THSD7B: variants seen among roughly 807,000 people sequenced by gnomAD.
THSD7B encodes thrombospondin type 1 domain containing 7B.
In THSD7B, 138 loss-of-function variants were observed where a neutral mutation model predicts 213.6. The observed-to-expected ratio is 0.65, with a 90% confidence interval of 0.56 to 0.74. The LOEUF (loss-of-function observed/expected upper bound fraction) is 0.74. Among genes scored for constraint, THSD7B ranks in the 30% least tolerant of loss-of-function variants. THSD7B has a pLI of 0.00. For missense variants in THSD7B, 1,931 were observed against 1,991.5 expected, an observed-to-expected ratio of 0.97 and a Z score of 0.58; for synonymous variants, 742 against 687.0, an observed-to-expected ratio of 1.08 and a Z score of -1.25.
chr2:137,353,555 G>T (rs539363456), intron 12 of THSD7B, among the ~76,000 whole-genome samples: 165 of 152,160 alleles, frequency 1.1e-3, no homozygotes, highest in African/African-American at 3.9e-3. Flanking sequence ...CAAAGAATGA[G>T]AAAAGAATGA....
chr2:137,016,140 AGG>A (rs1357382375), intron 2 of THSD7B, among the ~76,000 whole-genome samples: 1 of 152,124 alleles, frequency 6.6e-6, no homozygotes, highest in African/African-American at 2.4e-5. Context: ...CTTGTAAGGT[AGG>A]TAAAGTGTTC....
At chr2:137,066,266 A>G (rs1462649586) in intron 3 of THSD7B, among the ~76,000 whole-genome samples, 1 of 142,238 alleles carries the variant, frequency 7.0e-6, no homozygotes, top group Non-Finnish European at 1.5e-5. Context: ...ATCTCGGCTC[A>G]CTGCAACTTC....
intron 13 of THSD7B, among the ~76,000 whole-genome samples, chr2:137,406,990 G>A (rs1360072581): frequency 6.6e-5 from 10 of 152,238 alleles, no homozygotes; most frequent in Admixed American, 1.3e-4. Context: ...ATAACGCATC[G>A]GAAGCCATTA....
chr2:137,630,044 A>G (rs373548225), intron 20 of THSD7B, among the ~76,000 whole-genome samples: 5 of 152,120 alleles, frequency 3.3e-5, no homozygotes, highest in East Asian at 3.9e-4. Context: ...CCCAGGCTGA[A>G]ATGTAATGGC....
At chr2:136,937,698 A>G (rs1217577943) in intron 2 of THSD7B, among the ~76,000 whole-genome samples, 1 of 152,130 alleles carries the variant, frequency 6.6e-6, no homozygotes, top group East Asian at 1.9e-4. Flanking sequence ...TATCTGCTTC[A>G]TACAATTGCC....
Position 137,663,505 on chromosome 2 carries a change from GA to G in THSD7B, c.4586del (p.Asn1529ThrfsTer4). 1 of 1,607,002 alleles carries G rather than the reference GA, an allele frequency of 6.2e-7. No individual in the cohort carries two copies. ...KKADVKNLSG[K>X]NRPVNSKIHD... is the part of the protein sequence containing the mutation. ...AAGCTGATGTGAAAAACCTTTCTGG[GA>G]AAAACAGACCTGTGAATTCAAAAAT... On this transcript the variant is annotated frameshift_variant, in exon 26 of 28. Transcript: ENST00000409968. LOFTEE classifies it high-confidence loss of function.
chr2:136,916,280 T>C (rs1684346783), intron 2 of THSD7B, among the ~76,000 whole-genome samples: 2 of 152,208 alleles, frequency 1.3e-5, no homozygotes, highest in South Asian at 4.1e-4. Context: ...TCTGCCATGA[T>C]GGGCAGTGAG....
chr2:136,959,329 C>T (rs866438162), intron 2 of THSD7B, among the ~76,000 whole-genome samples: 2 of 152,192 alleles, frequency 1.3e-5, no homozygotes, highest in East Asian at 1.9e-4. Context: ...TCTCTTCTCT[C>T]GATCAGTAGC....
intron 4 of THSD7B, among the ~76,000 whole-genome samples, chr2:137,106,768 C>T (rs559403650): frequency 7.9e-5 from 12 of 152,306 alleles, no homozygotes; most frequent in Middle Eastern, 3.4e-3. Context: ...GACATTTATG[C>T]GGCCAACAAA....
intron 3 of THSD7B, among the ~76,000 whole-genome samples, chr2:137,074,704 G>T (rs190651493): frequency 3.3e-5 from 5 of 152,180 alleles, no homozygotes; most frequent in Non-Finnish European, 5.9e-5. Flanking sequence ...AATTTGGCAT[G>T]TTTTTGCAGT....
At chr2:137,638,990 T>C (rs1682886385) in intron 20 of THSD7B, among the ~76,000 whole-genome samples, 1 of 150,438 alleles carries the variant, frequency 6.6e-6, no homozygotes, top group Admixed American at 6.6e-5. Flanking sequence ...AGCCTGACGA[T>C]GCAGTATAAA....
At chr2:136,867,933 TTTAG>T (rs1021946095) in intron 1 of THSD7B, among the ~76,000 whole-genome samples, 37 of 152,212 alleles carry the variant, frequency 2.4e-4, no homozygotes, top group African/African-American at 8.2e-4. Flanking sequence ...TGGCTTTTTA[TTTAG>T]TATTATTAAT....
chr2:137,648,660 C>A (rs1234327106), intron 21 of THSD7B, among the ~76,000 whole-genome samples: 2 of 152,140 alleles, frequency 1.3e-5, no homozygotes, highest in African/African-American at 4.8e-5. Context: ...CATAGTTTGA[C>A]TATTGTGAAT....
chr2:137,526,770 TTAA>T (rs1446366864), intron 15 of THSD7B, among the ~76,000 whole-genome samples: 2 of 152,136 alleles, frequency 1.3e-5, no homozygotes, highest in Admixed American at 1.3e-4. Context: ...TATTATGGTA[TTAA>T]TAATAAATGT....
At chr2:137,015,956 G>A (rs1011476182) in intron 2 of THSD7B, among the ~76,000 whole-genome samples, 2 of 152,120 alleles carry the variant, frequency 1.3e-5, no homozygotes, top group Non-Finnish European at 1.5e-5. Context: ...AAATACTTGT[G>A]CTCTTCTCTT....
At chr2:137,235,164 C>A (rs959276056) in intron 9 of THSD7B, among the ~76,000 whole-genome samples, 1 of 152,124 alleles carries the variant, frequency 6.6e-6, no homozygotes, top group Admixed American at 6.5e-5. Flanking sequence ...CTCCTTTTAT[C>A]TGAGAAGGAT....
At chr2:137,034,138 T>A (rs1283627473) in intron 2 of THSD7B, among the ~76,000 whole-genome samples, 1 of 152,152 alleles carries the variant, frequency 6.6e-6, no homozygotes, top group Non-Finnish European at 1.5e-5. Context: ...TCATCCTTTT[T>A]TATGGCTGCA....
At chr2:137,323,135 A>G (rs934155799) in intron 12 of THSD7B, among the ~76,000 whole-genome samples, 1 of 152,252 alleles carries the variant, frequency 6.6e-6, no homozygotes, top group African/African-American at 2.4e-5. Flanking sequence ...GTGATGGATC[A>G]GGTTCAATCA....
At chr2:137,584,689 G>A (rs1050736265) in intron 17 of THSD7B, among the ~76,000 whole-genome samples, 4 of 152,118 alleles carry the variant, frequency 2.6e-5, no homozygotes, top group Admixed American at 6.5e-5. Context: ...ATGAAGCCCA[G>A]TTGATCATGG....
Sources: allele counts gnomAD v4.1 joint callset (sites outside exome capture counted in the v4.1 genomes callset), GRCh38; gene constraint gnomAD v4.1.1; transcripts MANE v1.5; gene names NCBI Gene and HGNC (gene_info 2026-07-23, HGNC 2026-07-21).